The following CSMD1 variants were observed in gnomAD, a reference collection of about 807,000 sequenced individuals.
The protein encoded by CSMD1 is CUB and sushi domain-containing protein 1.
A neutral mutation model predicts 417.5 loss-of-function variants in CSMD1; 213 were observed. The observed-to-expected ratio is 0.51, with a 90% CI of 0.46 to 0.57. CSMD1 has a LOEUF of 0.57. CSMD1 is among the 20% of genes least tolerant of loss of function. CSMD1 has a pLI of 0.00. For missense variants in CSMD1, 6,923 were observed against 4,529.7 expected, an observed-to-expected ratio of 1.53 and a Z score of -15.17; for synonymous variants, 2,862 against 1,736.8, an observed-to-expected ratio of 1.65 and a Z score of -16.11.
In CSMD1 at chr8:3,929,187, G is replaced by A. The variant is rs555110800; in HGVS notation, c.818+68716C>T. On this transcript the variant is annotated intron_variant, in intron 5 of 69. Coordinates refer to ENST00000635120, the MANE Select transcript of CSMD1 (RefSeq NM_033225.6). ...CACTTAACAAGAGTGCAAGGCTGAG[G>A]AAAGCTCTTGCCTCTGCACATGGTT... Among the ~76,000 whole-genome samples the A allele has an allele frequency of 6.6e-5, 10 of 150,432 alleles. 1 individual carries two copies. In the South Asian group the frequency reaches 1.3e-3, roughly 19 times the overall value.
intron 26 of CSMD1, among the ~76,000 whole-genome samples, chr8:3,267,195 A>G (rs1406291182): frequency 1.3e-5 from 2 of 152,076 alleles, no homozygotes; most frequent in African/African-American, 4.8e-5. Flanking sequence ...AGGGGTCAGA[A>G]TTCCCAGGTA....
intron 1 of CSMD1, among the ~76,000 whole-genome samples, chr8:4,929,392 C>T (rs767769030): frequency 6.6e-6 from 1 of 152,174 alleles, no homozygotes; most frequent in East Asian, 1.9e-4. Flanking sequence ...TAAAGGACTC[C>T]TCCTAAATAA....
intron 3 of CSMD1, among the ~76,000 whole-genome samples, chr8:4,149,404 C>T (rs1017425645): frequency 1.3e-5 from 2 of 152,052 alleles, no homozygotes; most frequent in East Asian, 1.9e-4. Context: ...TGGTAACTGC[C>T]ATAGCTCTGA....
intron 26 of CSMD1, among the ~76,000 whole-genome samples, chr8:3,233,387 A>G (rs1352538063): frequency 5.3e-5 from 8 of 152,222 alleles, no homozygotes; most frequent in African/African-American, 1.9e-4. Context: ...CCCACCAGCA[A>G]GAGGGCCAGA....
At chr8:4,391,218 GA>G (rs1803829530) in intron 3 of CSMD1, among the ~76,000 whole-genome samples, 1 of 152,128 alleles carries the variant, frequency 6.6e-6, no homozygotes, top group African/African-American at 2.4e-5. Flanking sequence ...CATGCAGTAA[GA>G]AGCACTGTGT....
chr8:4,144,093 G>A lies in CSMD1; in HGVS notation c.416-111994C>T, dbSNP rs551670967. On this transcript the variant is annotated intron_variant, in intron 3 of 69. Transcript: ENST00000635120. ...AAGTTTTTCCTTTCCATTAACTTTA[G>A]AAAGTTTGAGTTAATTGGGCTTAGG... Among the ~76,000 whole-genome samples, 42 of 151,230 alleles carry A rather than the reference G, an allele frequency of 2.8e-4. 2 individuals are homozygous for A. The South Asian group carries it at 8.1e-3, about 29-fold the overall frequency.
At chr8:4,819,147 G>A (rs139813662) in intron 1 of CSMD1, among the ~76,000 whole-genome samples, 121 of 152,268 alleles carry the variant, frequency 7.9e-4, no homozygotes, top group Middle Eastern at 3.4e-3. Flanking sequence ...GCGTCCTTCT[G>A]CTCTACTGGT....
At chr8:4,963,956 A>G (rs1563883909) in intron 1 of CSMD1, among the ~76,000 whole-genome samples, 1 of 152,194 alleles carries the variant, frequency 6.6e-6, no homozygotes, top group Non-Finnish European at 1.5e-5. Flanking sequence ...TTCATACCAA[A>G]TACTCTATAA....
intron 6 of CSMD1, among the ~76,000 whole-genome samples, chr8:3,749,761 G>A (rs1002355260): frequency 1.3e-5 from 2 of 151,732 alleles, no homozygotes; most frequent in African/African-American, 2.4e-5. Context: ...TATTGTATGT[G>A]AGAGTCACCC....
intron 3 of CSMD1, among the ~76,000 whole-genome samples, chr8:4,162,836 G>A (rs1373061098): frequency 6.6e-6 from 1 of 152,114 alleles, no homozygotes; most frequent in Non-Finnish European, 1.5e-5. Context: ...AATGCTATGT[G>A]TTCACCATTG....
intron 3 of CSMD1, among the ~76,000 whole-genome samples, chr8:4,215,883 C>A (rs977687304): frequency 6.6e-6 from 1 of 152,128 alleles, no homozygotes. Flanking sequence ...AAGAATAAAG[C>A]AGGGACAAAA....
intron 1 of CSMD1, among the ~76,000 whole-genome samples, chr8:4,892,662 A>G (rs1238810447): frequency 6.6e-6 from 1 of 152,022 alleles, no homozygotes; most frequent in Non-Finnish European, 1.5e-5. Flanking sequence ...TCTTCTTCAG[A>G]CTTATGTTTT....
intron 1 of CSMD1, among the ~76,000 whole-genome samples, chr8:4,724,426 A>G (rs1421623728): frequency 6.6e-6 from 1 of 152,068 alleles, no homozygotes; most frequent in Non-Finnish European, 1.5e-5. Context: ...ACTTAAATAT[A>G]CAAATAACAG....
intron 48 of CSMD1, among the ~76,000 whole-genome samples, chr8:3,088,199 T>C (rs1273509932): frequency 6.6e-6 from 1 of 152,220 alleles, no homozygotes; most frequent in Non-Finnish European, 1.5e-5. Context: ...GTCATATTTA[T>C]GGCTAAAAGT....
At chr8:3,299,900 T>C (rs1490909915) in intron 25 of CSMD1, among the ~76,000 whole-genome samples, 1 of 152,260 alleles carries the variant, frequency 6.6e-6, no homozygotes, top group Non-Finnish European at 1.5e-5. Context: ...GCTGGTGGTA[T>C]ATCTACTCCT....
chr8:4,113,772 T>C (rs1164082245), intron 3 of CSMD1, among the ~76,000 whole-genome samples: 1 of 152,104 alleles, frequency 6.6e-6, no homozygotes, highest in Non-Finnish European at 1.5e-5. Context: ...TGGAGAAAGT[T>C]TTCAAGTTAT....
chr8:3,157,812 G>A (rs1035101758), intron 39 of CSMD1, 85 bp downstream of exon 39: 2 of 1,077,408 alleles, frequency 1.9e-6, no homozygotes, highest in Admixed American at 2.1e-5. Flanking sequence ...AAATTTAGAA[G>A]TGCATTCTTT....
intron 3 of CSMD1, among the ~76,000 whole-genome samples, chr8:4,088,686 G>A (rs1288269117): frequency 6.6e-6 from 1 of 152,000 alleles, no homozygotes; most frequent in African/African-American, 2.4e-5. Flanking sequence ...TCATTCCTCA[G>A]TTCATTGCAA....
At chr8:3,382,854 T>C (rs188048408) in intron 18 of CSMD1, among the ~76,000 whole-genome samples, 2 of 152,218 alleles carry the variant, frequency 1.3e-5, no homozygotes, top group African/African-American at 4.8e-5. Context: ...AATTGATCAA[T>C]GTTTTTTCAT....
Sources: allele counts gnomAD v4.1 joint callset (sites outside exome capture counted in the v4.1 genomes callset), GRCh38; gene constraint gnomAD v4.1.1; transcripts MANE v1.5; gene names NCBI Gene and HGNC (gene_info 2026-07-23, HGNC 2026-07-21).